Variants in NEB observed in about 807,000 individuals in gnomAD.
NEB encodes the protein nemaline myopathy type 2.
In NEB, 512 loss-of-function variants were observed where a neutral mutation model predicts 952.2. The ratio of observed to expected loss-of-function variants is 0.54; its 90% CI spans 0.50 to 0.58. The LOEUF (loss-of-function observed/expected upper bound fraction) is 0.58. Among genes scored for constraint, NEB ranks in the 20% least tolerant of loss-of-function variants. The pLI is 0.00. For missense variants in NEB, 8,428 were observed against 9,231.1 expected (o/e 0.91, Z 3.56); for synonymous variants, 2,900 against 3,149.8 (o/e 0.92, Z 2.66).
At chr2:151,567,523 C>CACATCAGTTTTG in intron 113 of NEB, 44 bp from the exon 114 acceptor site, 2 of 1,529,712 alleles carry the variant, frequency 1.3e-6, no homozygotes, top group African/African-American at 2.7e-5. Context: ...TTGACAAGCA[C>CACATCAGTTTTG]ACAAGGCAGA....
chr2:151,658,858 C>T (rs531237676), intron 47 of NEB, among the ~76,000 whole-genome samples: 1 of 152,048 alleles, frequency 6.6e-6, no homozygotes, highest in Admixed American at 6.6e-5. Flanking sequence ...CCAATCACAC[C>T]GTTCAAATTC....
rs2099795892 is a variant in NEB, at chr2:151,727,922, G to A, written c.79-16C>T. On this transcript the variant is annotated splice_polypyrimidine_tract_variant and intron_variant, in intron 4 of 181. Coordinates refer to ENST00000397345, the MANE Select transcript of NEB (RefSeq NM_001164508.2). Reference sequence around the variant, plus strand: ...TTGTTATTGTCTGAAAATTTGATATGCAGTTCAACATTGTTGTGAAAGTAA... The same window carrying A: ...TTGTTATTGTCTGAAAATTTGATATACAGTTCAACATTGTTGTGAAAGTAA... 6 of 1,592,970 alleles carry A rather than the reference G, an allele frequency of 3.8e-6. No individual in the cohort carries two copies. Among genetic ancestry groups the A allele is most frequent in the Non-Finnish European group, 5.2e-6 (6 of 1,162,378 alleles).
At chr2:151,680,703 T>C in intron 30 of NEB, 27 bp downstream of exon 30, 1 of 1,402,880 alleles carries the variant, frequency 7.1e-7, no homozygotes, top group East Asian at 2.3e-5. Context: ...TAACATCTAT[T>C]AACATATAGA....
chr2:151,724,873 G>T lies in NEB; in HGVS notation c.491C>A (p.Ser164Ter). Residue 164 changes from serine (S) to a stop codon, truncating the protein, a stop_gained, in exon 7 of 182, where the codon TCG becomes TAG. Transcript: ENST00000397345. LOFTEE classifies it high-confidence loss of function. ...AKDIEHAKKV[S>*]QQVSKVLYKQ... The stretch of plus-strand genomic sequence containing the variant: ...TTGCCTTACCTTACTGACTTGCTGC[G>T]ACACTTTCTTTGCATGTTCAATATC... 6.2e-7 allele frequency: 1 copy of T among 1,613,468 alleles called. No homozygotes were observed. The highest frequency in any genetic ancestry group is 8.5e-7 in the Non-Finnish European group (1 of 1,179,650).
chr2:151,571,453 C>A (rs1343233796), intron 107 of NEB, among the ~76,000 whole-genome samples: 2 of 152,060 alleles, frequency 1.3e-5, no homozygotes, highest in African/African-American at 4.8e-5. Flanking sequence ...TATTGAATTT[C>A]TTTAATGCAA....
chr2:151,640,170 G>A, intron 61 of NEB, 110 bp from the exon 62 acceptor site: 1 of 1,467,436 alleles, frequency 6.8e-7, no homozygotes, highest in Non-Finnish European at 9.4e-7. Context: ...TTGGTGGACG[G>A]GCCAGGTATC....
intron 75 of NEB, among the ~76,000 whole-genome samples, chr2:151,616,539 CAAT>C (rs1233644547): frequency 7.2e-5 from 11 of 152,054 alleles, no homozygotes; most frequent in Admixed American, 7.2e-4. Context: ...ACTAAAAATA[CAAT>C]AATTAACTGG....
intron 38 of NEB, 147 bp from the exon 39 acceptor site, chr2:151,669,278 G>C (rs920421278): frequency 6.6e-6 from 4 of 607,754 alleles, no homozygotes; most frequent in Non-Finnish European, 1.2e-5. Flanking sequence ...GAGGGGCCCT[G>C]GTAGATGCAT....
At chr2:151,524,847 T>C (rs1238301310) in intron 151 of NEB, among the ~76,000 whole-genome samples, 1 of 151,748 alleles carries the variant, frequency 6.6e-6, no homozygotes, top group Non-Finnish European at 1.5e-5. Context: ...TTTGTGTTTT[T>C]AGTAGAGACA....
At chr2:151,501,523 A>G (rs752989502) in intron 167 of NEB, 40 bp from the exon 168 acceptor site, 2 of 1,207,312 alleles carry the variant, frequency 1.7e-6, no homozygotes, top group South Asian at 4.6e-5. Flanking sequence ...ACCTGGACCC[A>G]TCATTTTTTA....
At chr2:151,664,934 G>C in intron 42 of NEB, 71 bp from the exon 43 acceptor site, 1 of 1,069,346 alleles carries the variant, frequency 9.4e-7, no homozygotes. Context: ...AAGAGGAAGA[G>C]ATTTACAACT....
At chr2:151,723,952 A>C (rs1284742739) in intron 8 of NEB, among the ~76,000 whole-genome samples, 1 of 151,966 alleles carries the variant, frequency 6.6e-6, no homozygotes, top group African/African-American at 2.4e-5. Context: ...GGGTCTACAG[A>C]CAATTTTGAG....
At chr2:151,646,343 T>A in intron 54 of NEB, 109 bp from the exon 55 acceptor site, 1 of 827,410 alleles carries the variant, frequency 1.2e-6, no homozygotes, top group South Asian at 1.6e-5. Context: ...TATACAGAAT[T>A]GATATAATAA....
chr2:151,493,673 A>T lies in NEB; in HGVS notation c.24672+102T>A, dbSNP rs758096152. 4.4e-5 allele frequency: 43 copies of T among 980,226 alleles called. 1 individual carries two copies. The Admixed American group carries it at 5.4e-4, about 12-fold the overall frequency. 60.7% of individuals were successfully genotyped at this position (980,226 alleles called of 1,614,324 possible). On this transcript the variant is annotated intron_variant, in intron 175 of 181. Transcript: ENST00000397345. ...AGTGGACAAGGAAGAATTTTTAAAG[A>T]TACACAAAAGTTTTGGAAAAACTGT...
At position 151,519,468 on chromosome 2, in the gene NEB, T is replaced by C. The variant is rs117367844; in HGVS notation, c.22590+190A>G. On this transcript the variant is annotated intron_variant, in intron 154 of 181. Coordinates refer to ENST00000397345, the MANE Select transcript of NEB (RefSeq NM_001164508.2). ...AAGTAGATAAGAGGTTCCCAGGAGCTGACGGGAGGAGGGAATGGAGAGTTT... is the reference window on the plus strand; with the variant it reads ...AAGTAGATAAGAGGTTCCCAGGAGCCGACGGGAGGAGGGAATGGAGAGTTT... Among the ~76,000 whole-genome samples, 359 of 152,308 alleles carry C rather than the reference T, an allele frequency of 2.4e-3. 9 individuals are homozygous for C. The East Asian group carries it at 0.046, about 19-fold the overall frequency.
At chr2:151,525,046 C>T (rs1281237127) in intron 151 of NEB, 117 bp downstream of exon 151, 1 of 810,558 alleles carries the variant, frequency 1.2e-6, no homozygotes, top group African/African-American at 1.7e-5. Context: ...TCGCCACTAA[C>T]TTTTTGAAAC....
At chr2:151,620,387 ATATATT>A (rs2098387184) in intron 72 of NEB, among the ~76,000 whole-genome samples, 2 of 132,798 alleles carry the variant, frequency 1.5e-5, no homozygotes, top group South Asian at 2.4e-4. Context: ...ATATATATAT[ATATATT>A]TAACCAGAAT....
intron 125 of NEB, 73 bp downstream of exon 125, chr2:151,554,858 A>G: frequency 1.8e-6 from 2 of 1,103,298 alleles, no homozygotes; most frequent in South Asian, 2.5e-5. Flanking sequence ...TAGCACAACA[A>G]TGAAATCACA....
At chr2:151,659,203 A>T (rs909805674) in intron 46 of NEB, 34 bp from the exon 47 acceptor site, 14 of 1,441,246 alleles carry the variant, frequency 9.7e-6, no homozygotes, top group Non-Finnish European at 9.7e-6. Flanking sequence ...AGTGTTTAAA[A>T]TCTTAAAAGA....
Sources: allele counts gnomAD v4.1 joint callset (sites outside exome capture counted in the v4.1 genomes callset), GRCh38; gene constraint gnomAD v4.1.1; transcripts MANE v1.5; gene names NCBI Gene and HGNC (gene_info 2026-07-23, HGNC 2026-07-21).